The following CKB variants were observed in gnomAD, a reference collection of about 807,000 sequenced individuals.
The protein encoded by CKB is creatine kinase B.
Under a neutral mutation model 36.9 loss-of-function variants are expected in CKB, and 15 were observed. The ratio of observed to expected loss-of-function variants is 0.41; its 90% CI spans 0.27 to 0.63. The LOEUF (loss-of-function observed/expected upper bound fraction) is 0.63. Among genes scored for constraint, CKB ranks in the 20% least tolerant of loss-of-function variants. The pLI is 0.34. For synonymous variants in CKB, 250 were observed against 228.2 expected (o/e 1.10, Z -0.86); for missense variants, 413 against 534.9 (o/e 0.77, Z 2.25).
Position 103,521,337 on chromosome 14 carries a change from G to A in CKB, c.579C>T (p.Leu193=), listed in dbSNP as rs2075899111. ...GCAGGGGCGACACGGGCTTGTCGAA[G>A]AGGAAGTGGTCGTCGATGAGCTGCT... ...EQQQLIDDHF[L]FDKPVSPLLL... The change falls in exon 5 of 8, where the codon CTC becomes CTT. Residue 193 remains leucine, a synonymous_variant. Transcript: ENST00000348956. 1.2e-6 allele frequency: 2 copies of A among 1,609,892 alleles called. No individual in the cohort carries two copies. Among genetic ancestry groups the A allele is most frequent in the East Asian group, 4.5e-5 (2 of 44,834 alleles).
At position 103,522,552 on chromosome 14, in the gene CKB, C is replaced by G; in HGVS notation, c.-12-47G>C. ...GAGGGGACCGGCACGCCGGGGTTCC[C>G]GGGCTCCCGCGTACCACTCAGGCCC... On this transcript the variant is annotated intron_variant, in intron 1 of 7. Transcript: ENST00000348956. The surrounding 1 kb of genome is among the most constrained non-coding windows in gnomAD (Gnocchi z 6.7). 8.3e-6 allele frequency: 6 copies of G among 725,364 alleles called. No individual in the cohort carries two copies. The highest frequency in any genetic ancestry group is 1.2e-5 in the Non-Finnish European group (6 of 509,648). The allele number at this position is 725,364 out of a possible 1,614,324, so 44.9% of individuals were successfully genotyped here.
In CKB at chr14:103,521,812, C is replaced by T; in HGVS notation, c.481+6G>A. On this transcript the variant is annotated splice_donor_region_variant and intron_variant, in intron 4 of 7. Transcript: ENST00000348956. ...GCCGCCGCCCCTCGGCCCGCCCGGC[C>T]CCTACCTTCCACCGCGAGCTTCTCG... 2 of 1,473,716 alleles carry T rather than the reference C, an allele frequency of 1.4e-6. No homozygotes were observed. The highest frequency in any genetic ancestry group is 8.9e-7 in the Non-Finnish European group (1 of 1,119,398). 91.3% of individuals were successfully genotyped at this position (1,473,716 alleles called of 1,614,324 possible).
Position 103,521,406 on chromosome 14 carries a change from C to A in CKB, c.510G>T (p.Ala170=). The change falls in exon 5 of 8, where the codon GCG becomes GCT. Residue 170 remains alanine, a synonymous_variant. Transcript: ENST00000348956. ...EALSSLDGDL[A]GRYYALKSMT... is the part of the protein sequence containing the mutation. Reference sequence around the variant, plus strand: ...TGCTCTTGAGCGCGTAGTATCGGCCCGCCAGGTCGCCGTCCAGGCTGGACA... The same window carrying A: ...TGCTCTTGAGCGCGTAGTATCGGCCAGCCAGGTCGCCGTCCAGGCTGGACA... 1 of 1,604,056 alleles carries A rather than the reference C, an allele frequency of 6.2e-7. No individual in the cohort carries two copies. Among genetic ancestry groups the A allele is most frequent in the Non-Finnish European group, 8.5e-7 (1 of 1,178,762 alleles).
At chr14:103,521,663 C>T (rs1431001353) in intron 4 of CKB, 155 bp downstream of exon 4, 1 of 1,037,266 alleles carries the variant, frequency 9.6e-7, no homozygotes, top group Non-Finnish European at 1.3e-6. Context: ...GCTGGGCCTC[C>T]GTCCCTCGGT....
At chr14:103,521,652 G>T in intron 4 of CKB, 166 bp downstream of exon 4, 1 of 1,000,080 alleles carries the variant, frequency 1.0e-6, no homozygotes, top group South Asian at 2.6e-5. Context: ...GTGGGCGCGG[G>T]GCTGGGCCTC....
rs368695136 is a variant in CKB, at chr14:103,520,050, G to A, written c.968-8C>T. The A allele has an allele frequency of 3.7e-5, 60 of 1,609,434 alleles. No homozygotes were observed. Among genetic ancestry groups the A allele is most frequent in the Middle Eastern group, 1.6e-4 (1 of 6,078 alleles). Reference sequence around the variant, plus strand: ...CAGCCGTGTCCACACCGCCTGGGGAGACAGCAAGTCAGGGCGGAGGAAACA... The same window carrying A: ...CAGCCGTGTCCACACCGCCTGGGGAAACAGCAAGTCAGGGCGGAGGAAACA... On this transcript the variant is annotated splice_polypyrimidine_tract_variant and splice_region_variant and intron_variant, in intron 7 of 7. Transcript: ENST00000348956.
chr14:103,520,088 G>C, intron 7 of CKB, 34 bp downstream of exon 7: 1 of 1,603,816 alleles, frequency 6.2e-7, no homozygotes, highest in Non-Finnish European at 8.5e-7. Flanking sequence ...GCTGCCCAAA[G>C]GCCACGGGAA....
chr14:103,520,481 G>C lies in CKB; in HGVS notation c.765C>G (p.Thr255=), dbSNP rs775905075. 1 of 1,602,016 alleles carries C rather than the reference G, an allele frequency of 6.2e-7. No individual in the cohort carries two copies. The highest frequency in any genetic ancestry group is 1.3e-5 in the African/African-American group (1 of 74,824). Reference sequence around the variant, plus strand: ...CCGTCCCTGGCACCTGGGTGAGGCCGGTGCAGAAGCGGGTGAACACCTCCT... The same window carrying C: ...CCGTCCCTGGCACCTGGGTGAGGCCCGTGCAGAAGCGGGTGAACACCTCCT... ...NMKEVFTRFC[T]GLTQIETLFK... is the part of the protein sequence containing the mutation. The change falls in exon 6 of 8, where the codon ACC becomes ACG. Residue 255 remains threonine, a synonymous_variant. Coordinates refer to ENST00000348956, the MANE Select transcript of CKB (RefSeq NM_001823.5).
In CKB at chr14:103,519,695, C is replaced by T. The variant is rs2075885274; in HGVS notation, c.*169G>A. On this transcript the variant is annotated 3_prime_UTR_variant, in exon 8 of 8. Coordinates refer to ENST00000348956, the MANE Select transcript of CKB (RefSeq NM_001823.5). Reference sequence around the variant, plus strand: ...AGGCCAAAACCCTAGTTTATTTCAGCATCAGCAGTATCTTAGCCATCAAAA... The same window carrying T: ...AGGCCAAAACCCTAGTTTATTTCAGTATCAGCAGTATCTTAGCCATCAAAA... The T allele has an allele frequency of 4.2e-6, 3 of 715,352 alleles. No homozygotes were observed. In the East Asian group the frequency reaches 8.6e-5, roughly 20 times the overall value. 44.3% of individuals were successfully genotyped at this position (715,352 alleles called of 1,614,324 possible). A position where few individuals can be genotyped will look rare whatever the true frequency, so the allele number is the denominator to read the frequency against.
Position 103,522,288 on chromosome 14 carries a change from A to AG in CKB, c.193+12dup. 1 of 1,596,920 alleles carries AG rather than the reference A, an allele frequency of 6.3e-7. No individual in the cohort carries two copies. Among genetic ancestry groups the AG allele is most frequent in the Non-Finnish European group, 8.5e-7 (1 of 1,175,122 alleles). ...AGGGGGGGCCGGGACCCCGGCCCCG[A>AG]GGGGTCGCGTACCCGGGTTGTCCAC... is the stretch of plus-strand genomic sequence containing the variant. On this transcript the variant is annotated intron_variant, in intron 2 of 7. Transcript: ENST00000348956. The surrounding 1 kb of genome is among the most constrained non-coding windows in gnomAD (Gnocchi z 6.7).
Position 103,520,069 on chromosome 14 carries a change from G to A in CKB, c.968-27C>T, listed in dbSNP as rs572152762. On this transcript the variant is annotated intron_variant, in intron 7 of 7. Coordinates refer to ENST00000348956, the MANE Select transcript of CKB (RefSeq NM_001823.5). ...TGGGGAGACAGCAAGTCAGGGCGGAGGAAACAGGGCTGCCCAAAGGCCACG... is the reference window on the plus strand; with the variant it reads ...TGGGGAGACAGCAAGTCAGGGCGGAAGAAACAGGGCTGCCCAAAGGCCACG... The A allele has an allele frequency of 7.4e-5, 119 of 1,608,172 alleles. No homozygotes were observed. The South Asian group carries it at 1.0e-3, about 14-fold the overall frequency.
intron 4 of CKB, 148 bp downstream of exon 4, chr14:103,521,670 C>T: frequency 1.9e-6 from 2 of 1,059,586 alleles, no homozygotes; most frequent in East Asian, 6.7e-5. Flanking sequence ...CTCCGTCCCT[C>T]GGTCCCTCCG....
Position 103,521,876 on chromosome 14 carries a change from G to A in CKB, c.423C>T (p.Cys141=). The A allele has an allele frequency of 1.9e-6, 3 of 1,563,750 alleles. No individual in the cohort carries two copies. The highest frequency in any genetic ancestry group is 2.6e-6 in the Non-Finnish European group (3 of 1,165,156). The change falls in exon 4 of 8, where the codon TGC becomes TGT. Residue 141 remains cysteine (C), a synonymous_variant. Coordinates refer to ENST00000348956, the MANE Select transcript of CKB (RefSeq NM_001823.5). ...VRTGRSIRGF[C]LPPHCSRGER... ...CCCCGCGGCTGCAGTGCGGGGGGAG[G>A]CAGAAGCCACGGATGCTGCGGCCCG... is the stretch of plus-strand genomic sequence containing the variant.
chr14:103,522,783 G>A lies in CKB; in HGVS notation c.-30C>T, dbSNP rs1036497195. 4 of 150,574 alleles carry A rather than the reference G, an allele frequency of 2.7e-5. No individual in the cohort carries two copies. Among genetic ancestry groups the A allele is most frequent in the African/African-American group, 9.7e-5 (4 of 41,230 alleles). 9.3% of individuals were successfully genotyped at this position (150,574 alleles called of 1,614,324 possible). On this transcript the variant is annotated 5_prime_UTR_variant, in exon 1 of 8. Transcript: ENST00000348956. The surrounding 1 kb of genome is among the most constrained non-coding windows in gnomAD (Gnocchi z 6.7). The stretch of plus-strand genomic sequence containing the variant: ...CCACTCACCGGGCGGCCGGGCGGGG[G>A]CGGGGGCGCTCCGTCCGTCGGCAGC...
chr14:103,520,345 C>A, intron 6 of CKB, 34 bp from the exon 7 acceptor site: 1 of 1,589,744 alleles, frequency 6.3e-7, no homozygotes, highest in Non-Finnish European at 8.6e-7. Context: ...AGGGAGAAGG[C>A]CTGCCTGAAA....
chr14:103,522,618 G>C lies in CKB; in HGVS notation c.-12-113C>G. 1 of 646,148 alleles carries C rather than the reference G, an allele frequency of 1.5e-6. No homozygotes were observed. Among genetic ancestry groups the C allele is most frequent in the Non-Finnish European group, 2.1e-6 (1 of 465,772 alleles). The allele number at this position is 646,148 out of a possible 1,614,324, so 40.0% of individuals were successfully genotyped here. On this transcript the variant is annotated intron_variant, in intron 1 of 7. Transcript: ENST00000348956. This position sits in a 1 kb window ranked among gnomAD's most constrained non-coding sequence, Gnocchi z 6.7. ...CCGGCGCCCCCCGGGACGCGGCCAAGGTCAGCGGGGTCCGCAGCGCGCGCG... is the reference window on the plus strand; with the variant it reads ...CCGGCGCCCCCCGGGACGCGGCCAACGTCAGCGGGGTCCGCAGCGCGCGCG...
At position 103,520,004 on chromosome 14, in the gene CKB, C is replaced by T. The variant is rs1453838176; in HGVS notation, c.1006G>A (p.Val336Ile). The change falls in exon 8 of 8, where the codon GTC becomes ATC. Residue 336 changes from valine (V) to isoleucine (I), a missense_variant. Val to Ile is a conservative substitution (Grantham distance 29). This residue lies in a region of CKB where 314 missense variants were observed against 409.4 expected (regional missense o/e 0.77). Coordinates refer to ENST00000348956, the MANE Select transcript of CKB (RefSeq NM_001823.5). Reference protein sequence around the residue: ...DTAAVGGVFDVSNADRLGFSE... With the variant: ...DTAAVGGVFDISNADRLGFSE... ...AAGCCCAGGCGGTCAGCGTTGGAGA[C>T]GTCGAAGACCCCGCCCACCGCAGCC... 54 of 1,610,706 alleles carry T rather than the reference C, an allele frequency of 3.4e-5. No homozygotes were observed. The highest frequency in any genetic ancestry group is 4.4e-5 in the Non-Finnish European group (52 of 1,179,942).
intron 4 of CKB, 121 bp downstream of exon 4, chr14:103,521,695 GGC>G: frequency 8.6e-7 from 1 of 1,160,906 alleles, no homozygotes. Flanking sequence ...ACTGAACCCG[GGC>G]GCGCGCAGAT....
chr14:103,520,441 G>T (rs780082737), intron 6 of CKB, 28 bp downstream of exon 6: 1 of 1,594,832 alleles, frequency 6.3e-7, no homozygotes, highest in African/African-American at 1.3e-5. Context: ...TGGGGCCCTG[G>T]GGTCTGGGCC....
Sources: allele counts gnomAD v4.1 joint callset, GRCh38; gene constraint gnomAD v4.1.1; regional missense constraint gnomAD v4.1.1; non-coding constraint Gnocchi (gnomAD v3.1); transcripts MANE v1.5; gene names NCBI Gene and HGNC (gene_info 2026-07-23, HGNC 2026-07-21).